The following TEX26 variants were observed in gnomAD, a reference collection of about 807,000 sequenced individuals.
TEX26 encodes testis expressed 26.
In TEX26, 34 loss-of-function variants were observed where a neutral mutation model predicts 35.3. The observed-to-expected ratio is 0.96, with a 90% CI of 0.73 to 1.28. The LOEUF is 1.28. TEX26 is among the 50% of genes most tolerant of loss of function. TEX26 has a pLI of 0.00. For synonymous variants in TEX26, 136 were observed against 111.8 expected, an observed-to-expected ratio of 1.22 and a Z score of -1.36; for missense variants, 371 against 330.1, an observed-to-expected ratio of 1.12 and a Z score of -0.96.
At chr13:30,950,116 G>A (rs911333987) in intron 2 of TEX26, among the ~76,000 whole-genome samples, 7 of 152,068 alleles carry the variant, frequency 4.6e-5, no homozygotes, top group African/African-American at 9.7e-5. Flanking sequence ...TTGCTGTCTC[G>A]GAAAAGATTC....
intron 6 of TEX26, among the ~76,000 whole-genome samples, chr13:30,969,958 G>A (rs148537837): frequency 0.012 from 1,831 of 152,212 alleles, 17 homozygotes; most frequent in Non-Finnish European, 0.018. Flanking sequence ...CCTGTGATGA[G>A]GTTGGGACTT....
chr13:30,940,794 C>T (rs9532438), intron 2 of TEX26, among the ~76,000 whole-genome samples: 27,995 of 151,690 alleles, frequency 0.18, 3,271 homozygotes, highest in East Asian at 0.38. Flanking sequence ...AAAAATTAGC[C>T]GGGTGTGGTG....
At chr13:30,968,007 C>A (rs1454400229) in intron 5 of TEX26, among the ~76,000 whole-genome samples, 2 of 152,144 alleles carry the variant, frequency 1.3e-5, no homozygotes, top group African/African-American at 4.8e-5. Context: ...TCTATGAGGA[C>A]CTTTGTTTAT....
Position 30,950,447 on chromosome 13 carries a change from C to T in TEX26, c.147-2213C>T, listed in dbSNP as rs116906074. ...AGCATGACCAATCTGTGCTGCTTCA[C>T]CACCTCAGAGCTGCTTTTCTTTCCA... is the stretch of plus-strand genomic sequence containing the variant. On this transcript the variant is annotated intron_variant, in intron 2 of 6. Transcript: ENST00000380473. Among the ~76,000 whole-genome samples the T allele has an allele frequency of 1.5e-3, 228 of 152,198 alleles. 3 individuals carry two copies. Among genetic ancestry groups the T allele is most frequent in the East Asian group, 0.015 (77 of 5,172 alleles).
rs200856307 is a variant in TEX26, at chr13:30,939,668, T to C, written c.62-26T>C. The C allele has an allele frequency of 2.8e-5, 44 of 1,591,374 alleles. No individual in the cohort carries two copies. The East Asian group carries it at 9.4e-4, about 34-fold the overall frequency. Reference sequence around the variant, plus strand: ...TTCAAAATATTCTGGTTTGCCATATTTAAAACTGCTTTATTGTACTTTTAG... The same window carrying C: ...TTCAAAATATTCTGGTTTGCCATATCTAAAACTGCTTTATTGTACTTTTAG... On this transcript the variant is annotated intron_variant, in intron 1 of 6. Coordinates refer to ENST00000380473, the MANE Select transcript of TEX26 (RefSeq NM_152325.3).
intron 1 of TEX26, among the ~76,000 whole-genome samples, chr13:30,936,103 T>C (rs949699787): frequency 6.6e-6 from 1 of 152,240 alleles, no homozygotes; most frequent in Non-Finnish European, 1.5e-5. Flanking sequence ...ATATCTTTTT[T>C]GTAGTGTCAC....
At chr13:30,933,382 C>T (rs949881305) in intron 1 of TEX26, 1 of 152,334 alleles carries the variant, frequency 6.6e-6, no homozygotes, top group African/African-American at 2.4e-5. Context: ...CCCACAGATG[C>T]AGCAGGTTCA....
At chr13:30,956,618 T>C (rs1026995412) in intron 3 of TEX26, among the ~76,000 whole-genome samples, 3 of 152,192 alleles carry the variant, frequency 2.0e-5, no homozygotes, top group Non-Finnish European at 4.4e-5. Flanking sequence ...AGACTTCTGG[T>C]TGGAAGCACA....
At chr13:30,969,157 A>C in intron 6 of TEX26, 111 bp downstream of exon 6, 1 of 964,504 alleles carries the variant, frequency 1.0e-6, no homozygotes, top group Non-Finnish European at 1.5e-6. Flanking sequence ...AAAAATGAAA[A>C]CATTGCCTCA....
At chr13:30,959,273 C>T (rs764126617) in intron 4 of TEX26, among the ~76,000 whole-genome samples, 1 of 152,152 alleles carries the variant, frequency 6.6e-6, no homozygotes, top group South Asian at 2.1e-4. Flanking sequence ...CCGCCCCATC[C>T]CTACTCTTAT....
intron 6 of TEX26, among the ~76,000 whole-genome samples, chr13:30,969,714 T>A (rs935753628): frequency 6.6e-6 from 1 of 152,152 alleles, no homozygotes; most frequent in Non-Finnish European, 1.5e-5. Context: ...ACACCCCCTA[T>A]TCCCCCTCAT....
In TEX26 at chr13:30,975,164, C is replaced by T. The variant is rs1954840562; in HGVS notation, c.*257C>T. The T allele has an allele frequency of 4.0e-6, 1 of 249,378 alleles. No individual in the cohort carries two copies. The highest frequency in any genetic ancestry group is 7.6e-6 in the Non-Finnish European group (1 of 132,114). The allele number at this position is 249,378 out of a possible 1,614,324, so 15.4% of individuals were successfully genotyped here. On this transcript the variant is annotated 3_prime_UTR_variant, in exon 7 of 7. Transcript: ENST00000380473. Reference sequence around the variant, plus strand: ...GTTTTTTTCTTTTCCCTTTTGGATACTTAATTTGTAGTTTCAATTTTGATT... The same window carrying T: ...GTTTTTTTCTTTTCCCTTTTGGATATTTAATTTGTAGTTTCAATTTTGATT...
chr13:30,944,542 A>G (rs903039225), intron 2 of TEX26, among the ~76,000 whole-genome samples: 14 of 151,866 alleles, frequency 9.2e-5, no homozygotes, highest in Non-Finnish European at 7.4e-5. Flanking sequence ...TAGGTTGTCA[A>G]TTTGTGATCT....
At position 30,974,131 on chromosome 13, in the gene TEX26, A is replaced by AAAAAAATATATATATATATAT; in HGVS notation, c.809-714_809-713insAAAAATATATATATATATATA. 3.6e-5 allele frequency among the ~76,000 whole-genome samples: 3 copies of AAAAAAATATATATATATATAT among 84,418 alleles called. No individual in the cohort carries two copies. The East Asian group carries it at 9.4e-4, about 26-fold the overall frequency. The allele number at this position is 84,418 out of a possible 152,430, so 55.4% of individuals were successfully genotyped here. On this transcript the variant is annotated intron_variant, in intron 6 of 6. Transcript: ENST00000380473. ...GTGAGCCTCCATCTAAAAAAAAAAA[A>AAAAAAATATATATATATATAT]ATATATATATATATATATATATATA... is the stretch of plus-strand genomic sequence containing the variant.
chr13:30,935,743 C>CA (rs1953251210), intron 1 of TEX26, among the ~76,000 whole-genome samples: 1 of 152,230 alleles, frequency 6.6e-6, no homozygotes, highest in South Asian at 2.1e-4. Context: ...GGATGACCTG[C>CA]CTACAGAGAG....
chr13:30,966,250 G>T lies in TEX26; in HGVS notation c.498G>T (p.Leu166Phe). The part of the protein sequence containing the change: ...KAQKIKKSSH[L>F]SLEWKKLLPQ... ...AGAAGATTAAGAAAAGTTCTCACTTGTCTCTGGAATGGAAAAAGTTACTTC... is the reference window on the plus strand; with the variant it reads ...AGAAGATTAAGAAAAGTTCTCACTTTTCTCTGGAATGGAAAAAGTTACTTC... The change falls in exon 5 of 7, where the codon TTG becomes TTT. Residue 166 changes from leucine to phenylalanine, a missense_variant. Coordinates refer to ENST00000380473, the MANE Select transcript of TEX26 (RefSeq NM_152325.3). 3 of 1,613,898 alleles carry T rather than the reference G, an allele frequency of 1.9e-6. No individual in the cohort carries two copies. In the East Asian group the frequency reaches 6.7e-5, roughly 36 times the overall value.
chr13:30,945,035 A>G (rs1411538404), intron 2 of TEX26, among the ~76,000 whole-genome samples: 1 of 151,870 alleles, frequency 6.6e-6, no homozygotes. Flanking sequence ...AGTGCTGTCA[A>G]TGGAGTGTTG....
chr13:30,948,101 G>A (rs1465520405), intron 2 of TEX26, among the ~76,000 whole-genome samples: 1 of 152,082 alleles, frequency 6.6e-6, no homozygotes, highest in Non-Finnish European at 1.5e-5. Flanking sequence ...AGTATTCCAT[G>A]GTGTATATGT....
intron 6 of TEX26, among the ~76,000 whole-genome samples, chr13:30,974,566 C>A (rs7998970): frequency 0.14 from 21,205 of 152,096 alleles, 2,858 homozygotes; most frequent in African/African-American, 0.36. Context: ...TAACAACTGC[C>A]AGCACAGAAC....
Sources: allele counts gnomAD v4.1 joint callset (sites outside exome capture counted in the v4.1 genomes callset), GRCh38; gene constraint gnomAD v4.1.1; transcripts MANE v1.5; gene names NCBI Gene and HGNC (gene_info 2026-07-23, HGNC 2026-07-21).